Variants in DHX34 observed in about 807,000 individuals in gnomAD.
DHX34 encodes probable ATP-dependent RNA helicase DHX34.
In DHX34, 96 loss-of-function variants were observed where a neutral mutation model predicts 111.1. The observed-to-expected ratio is 0.86, with a 90% CI of 0.73 to 1.02. The LOEUF (loss-of-function observed/expected upper bound fraction) is 1.02, where lower values mean the gene tolerates loss of function less well. DHX34 is among the 50% of genes least tolerant of loss of function. DHX34 has a pLI of 0.00. For missense variants in DHX34, 1,560 were observed against 1,579.9 expected (o/e 0.99, Z 0.21); for synonymous variants, 688 against 670.4 (o/e 1.03, Z -0.41).
intron 1 of DHX34, among the ~76,000 whole-genome samples, chr19:47,349,938 A>T: frequency 6.6e-6 from 1 of 152,136 alleles, no homozygotes; most frequent in East Asian, 1.9e-4. Context: ...GTGGAGCCCG[A>T]ACCCCTGGAT....
intron 7 of DHX34, 61 bp from the exon 8 acceptor site, chr19:47,372,669 G>A: frequency 1.3e-6 from 2 of 1,483,716 alleles, no homozygotes; most frequent in East Asian, 2.5e-5. Flanking sequence ...GGGGCCCCGA[G>A]GGGTGAGGGC....
In DHX34 at chr19:47,353,376, C is replaced by T. The variant is rs369824141; in HGVS notation, c.346C>T (p.Arg116Trp). The change falls in exon 2 of 17, where the codon CGG (arginine) becomes TGG (tryptophan). Residue 116 changes from arginine (R) to tryptophan (W), a missense_variant. Transcript: ENST00000328771. This position sits in a 1 kb window ranked among gnomAD's most constrained non-coding sequence, Gnocchi z 4.6. ...CCTCTCTGTTCTTGGCCCTGCCACG[C>T]GGGGCTCTCAGGGACTGGGCAGGCA... ...INLSVLGPAT[R>W]GSQGLGRHLP... is the part of the protein sequence containing the mutation. 13 of 1,614,052 alleles carry T rather than the reference C, an allele frequency of 8.1e-6. No individual in the cohort carries two copies. Among genetic ancestry groups the T allele is most frequent in the East Asian group, 4.5e-5 (2 of 44,894 alleles).
intron 7 of DHX34, among the ~76,000 whole-genome samples, chr19:47,371,841 CTGCT>C (rs1969974198): frequency 1.3e-5 from 2 of 152,082 alleles, no homozygotes; most frequent in South Asian, 2.1e-4. Flanking sequence ...CTCAGGTGAT[CTGCT>C]TGAGTCCAGT....
In DHX34 at chr19:47,379,870, GGCAGCTGGCGCACCAGGCCCAGCA is replaced by G. The variant is rs754964729; in HGVS notation, c.2876_2899del (p.Ala959_Leu966del). 1 of 1,613,448 alleles carries G rather than the reference GGCAGCTGGCGCACCAGGCCCAGCA, an allele frequency of 6.2e-7. No homozygotes were observed. Among genetic ancestry groups the G allele is most frequent in the Non-Finnish European group, 8.5e-7 (1 of 1,179,752 alleles). ...GCCCGCTGGGAAAGTGCCCTGGACC[GGCAGCTGGCGCACCAGGCCCAGCA>G]GCAGCTGGAGGAGGAGGAGGAGGAT... On this transcript the variant is annotated inframe_deletion, in exon 14 of 17. Coordinates refer to ENST00000328771, the MANE Select transcript of DHX34 (RefSeq NM_014681.6).
At chr19:47,354,629 GTATT>G (rs1225537439) in intron 2 of DHX34, among the ~76,000 whole-genome samples, 1 of 151,976 alleles carries the variant, frequency 6.6e-6, no homozygotes, top group Non-Finnish European at 1.5e-5. Flanking sequence ...GGTAGGCATG[GTATT>G]TGCTTAGATT....
At position 47,366,797 on chromosome 19, in the gene DHX34, C is replaced by T. The variant is rs190994265; in HGVS notation, c.1594-184C>T. ...CCATGTTGGCCAGGATGGTCTTGAA[C>T]TCCTGACCTCAAGTGATCCGCTTGC... On this transcript the variant is annotated intron_variant, in intron 6 of 16. Transcript: ENST00000328771. The T allele has an allele frequency of 1.4e-3, 1,309 of 955,626 alleles. 1 individual carries two copies. The highest frequency in any genetic ancestry group is 1.5e-3 in the Non-Finnish European group (1,227 of 802,928). 59.2% of individuals were successfully genotyped at this position (955,626 alleles called of 1,614,324 possible).
chr19:47,353,815 A>G lies in DHX34; in HGVS notation c.705+80A>G, dbSNP rs768618457. On this transcript the variant is annotated intron_variant, in intron 2 of 16. Transcript: ENST00000328771. The surrounding 1 kb of genome is among the most constrained non-coding windows in gnomAD (Gnocchi z 4.6). ...GTTGCTTGTCCATATGGCAGTATCA[A>G]TAAAAATGAAGCACTTACCCTTGGA... 2.7e-5 allele frequency: 35 copies of G among 1,309,190 alleles called. 1 individual carries two copies. Among genetic ancestry groups the G allele is most frequent in the East Asian group, 1.3e-4 (5 of 39,356 alleles). 81.1% of individuals were successfully genotyped at this position (1,309,190 alleles called of 1,614,324 possible). A position where few individuals can be genotyped will look rare whatever the true frequency, so the allele number is the denominator to read the frequency against.
chr19:47,376,505 C>T lies in DHX34; in HGVS notation c.2544C>T (p.Ser848=). The change falls in exon 12 of 17, where the codon AGC becomes AGT. Residue 848 remains serine (S), a synonymous_variant. Transcript: ENST00000328771. Reference sequence around the variant, plus strand: ...ACCCCACCTGCGTCTTCGCTGGCAGCCCCGAGGTGCTGCACGCACAGGAGC... The same window carrying T: ...ACCCCACCTGCGTCTTCGCTGGCAGTCCCGAGGTGCTGCACGCACAGGAGC... ...VLHPTCVFAG[S]PEVLHAQELE... 1 of 1,600,212 alleles carries T rather than the reference C, an allele frequency of 6.2e-7. No individual in the cohort carries two copies.
At chr19:47,355,943 ACT>A (rs913962606) in intron 3 of DHX34, among the ~76,000 whole-genome samples, 60 of 151,992 alleles carry the variant, frequency 3.9e-4, no homozygotes, top group African/African-American at 1.4e-3. Flanking sequence ...CTGTTGGGCA[ACT>A]CTGTTCCATG....
chr19:47,375,726 T>A lies in DHX34; in HGVS notation c.2307+18T>A. On this transcript the variant is annotated intron_variant, in intron 10 of 16. Coordinates refer to ENST00000328771, the MANE Select transcript of DHX34 (RefSeq NM_014681.6). Reference sequence around the variant, plus strand: ...ACATCCAGGTGGGCGCCATGGGCTGTGGGGTGTGGGGGTTTACCAAGGTGG... The same window carrying A: ...ACATCCAGGTGGGCGCCATGGGCTGAGGGGTGTGGGGGTTTACCAAGGTGG... The A allele has an allele frequency of 1.3e-6, 2 of 1,560,216 alleles. No homozygotes were observed. The highest frequency in any genetic ancestry group is 1.7e-6 in the Non-Finnish European group (2 of 1,159,038).
At chr19:47,381,426 T>A in intron 16 of DHX34, 102 bp downstream of exon 16, 2 of 1,478,742 alleles carry the variant, frequency 1.4e-6, no homozygotes, top group Non-Finnish European at 1.8e-6. Flanking sequence ...CTTCGAGGAC[T>A]GACGACCTCC....
chr19:47,377,227 G>A (rs536296323), intron 13 of DHX34, 21 bp downstream of exon 13: 19 of 1,601,030 alleles, frequency 1.2e-5, no homozygotes, highest in Middle Eastern at 3.3e-4. Context: ...GCCCCACCCC[G>A]CCCCCATGCC....
chr19:47,359,821 G>A (rs1969570713), intron 4 of DHX34, 147 bp from the exon 5 acceptor site: 1 of 1,488,168 alleles, frequency 6.7e-7, no homozygotes, highest in East Asian at 2.5e-5. Context: ...GTGATGGGGT[G>A]GACGGTGAGC....
chr19:47,374,318 T>A (rs1970065366), intron 9 of DHX34, among the ~76,000 whole-genome samples: 1 of 150,530 alleles, frequency 6.6e-6, no homozygotes, highest in African/African-American at 2.5e-5. Context: ...GTGCCTGTAA[T>A]CCCAGCTACT....
intron 15 of DHX34, 77 bp from the exon 16 acceptor site, chr19:47,381,109 G>A: frequency 1.3e-6 from 2 of 1,585,994 alleles, no homozygotes; most frequent in Admixed American, 3.5e-5. Flanking sequence ...AGGGCTTCTG[G>A]GAAGGGTCCC....
intron 12 of DHX34, 165 bp downstream of exon 12, chr19:47,376,725 T>C (rs1297244055): frequency 7.0e-7 from 1 of 1,424,716 alleles, no homozygotes; most frequent in Non-Finnish European, 9.3e-7. Flanking sequence ...TGGGTAGCCT[T>C]GGGTGACTCA....
chr19:47,375,646 T>C lies in DHX34; in HGVS notation c.2245T>C (p.Ser749Pro). 1 of 1,554,584 alleles carries C rather than the reference T, an allele frequency of 6.4e-7. No homozygotes were observed. The highest frequency in any genetic ancestry group is 8.7e-7 in the Non-Finnish European group (1 of 1,153,092). Residue 749 changes from serine (S) to proline (P), a missense_variant, in exon 10 of 17, where the codon TCC becomes CCC. Ser to Pro is a moderately conservative substitution (Grantham distance 74). Transcript: ENST00000328771. Reference sequence around the variant, plus strand: ...GCTGCAGGAGGAGCAGGACGGCGGCTCCAGTGACGAGGACAGGGCTGGCCC... The same window carrying C: ...GCTGCAGGAGGAGCAGGACGGCGGCCCCAGTGACGAGGACAGGGCTGGCCC... ...LRLQEEQDGGSSDEDRAGPAP... is the reference protein window; with the variant it reads ...LRLQEEQDGGPSDEDRAGPAP...
At chr19:47,377,685 T>C (rs1426741151) in intron 13 of DHX34, among the ~76,000 whole-genome samples, 1 of 151,408 alleles carries the variant, frequency 6.6e-6, no homozygotes, top group Non-Finnish European at 1.5e-5. Context: ...GACATGTGCC[T>C]GGCGTGCAGT....
At chr19:47,358,965 G>A (rs1969543817) in intron 4 of DHX34, among the ~76,000 whole-genome samples, 1 of 151,590 alleles carries the variant, frequency 6.6e-6, no homozygotes, top group South Asian at 2.1e-4. Context: ...TCACTGTGTT[G>A]CGCAGGCTGG....
Sources: allele counts gnomAD v4.1 joint callset (sites outside exome capture counted in the v4.1 genomes callset), GRCh38; gene constraint gnomAD v4.1.1; non-coding constraint Gnocchi (gnomAD v3.1); transcripts MANE v1.5; gene names NCBI Gene and HGNC (gene_info 2026-07-23, HGNC 2026-07-21).